The following SLC12A8 variants were observed in gnomAD, a reference collection of about 807,000 sequenced individuals.
SLC12A8 encodes cation-chloride cotransporter 9.
In SLC12A8, 69 loss-of-function variants were observed where a neutral mutation model predicts 75.6. The observed-to-expected ratio is 0.91, with a 90% confidence interval of 0.75 to 1.11. The LOEUF (loss-of-function observed/expected upper bound fraction) is 1.11. Ranked by LOEUF, SLC12A8 falls within the 50% of genes most tolerant of loss-of-function variation. The pLI, the probability that SLC12A8 is intolerant of heterozygous loss-of-function variation, is 0.00. For missense variants in SLC12A8, 877 were observed against 896.7 expected, an observed-to-expected ratio of 0.98 and a Z score of 0.28; for synonymous variants, 365 against 372.8, an observed-to-expected ratio of 0.98 and a Z score of 0.24.
intron 5 of SLC12A8, 100 bp downstream of exon 5, chr3:125,177,643 T>TGGTAAAGCCTAG: frequency 3.4e-6 from 3 of 885,058 alleles, no homozygotes; most frequent in Non-Finnish European, 3.6e-6. Context: ...GTAAAGCCTA[T>TGGTAAAGCCTAG]GGGGGTTAGG....
intron 5 of SLC12A8, among the ~76,000 whole-genome samples, chr3:125,154,187 C>A (rs1318264735): frequency 6.6e-6 from 1 of 152,228 alleles, no homozygotes. Context: ...CTTTAACTAC[C>A]GTCCCCTTTC....
chr3:125,147,643 T>A (rs1933818408), intron 5 of SLC12A8, among the ~76,000 whole-genome samples: 1 of 152,042 alleles, frequency 6.6e-6, no homozygotes, highest in East Asian at 1.9e-4. Flanking sequence ...CTGCCCTACA[T>A]CCTGCCTGGA....
chr3:125,156,599 G>A (rs753366118), intron 5 of SLC12A8, among the ~76,000 whole-genome samples: 6 of 152,208 alleles, frequency 3.9e-5, no homozygotes, highest in Non-Finnish European at 8.8e-5. Flanking sequence ...AAGATGGGAT[G>A]AGAGGTGGGA....
intron 5 of SLC12A8, among the ~76,000 whole-genome samples, chr3:125,137,920 C>G (rs973769593): frequency 6.7e-6 from 1 of 150,238 alleles, no homozygotes; most frequent in South Asian, 2.1e-4. Context: ...GACACACGCT[C>G]ACGCTCACAC....
rs761407113 is a variant in SLC12A8, at chr3:125,190,484, T to C, written c.89A>G (p.Gln30Arg). Residue 30 changes from glutamine (Q) to arginine (R), a missense_variant, in exon 3 of 14, where the codon CAG (glutamine) becomes CGG (arginine). Coordinates refer to ENST00000469902, the MANE Select transcript of SLC12A8 (RefSeq NM_024628.6). ...LAQPQPWWKT[Q>R]LFMWEPVLFG... ...CAGCACAGGCTCCCACATGAACAGC[T>C]GGGTCTTCCACCAGGGCTGGGGCTG... The C allele has an allele frequency of 6.2e-7, 1 of 1,614,178 alleles. No individual in the cohort carries two copies. Among genetic ancestry groups the C allele is most frequent in the Non-Finnish European group, 8.5e-7 (1 of 1,180,016 alleles).
intron 2 of SLC12A8, among the ~76,000 whole-genome samples, chr3:125,203,895 T>C (rs1935177789): frequency 6.6e-6 from 1 of 152,080 alleles, no homozygotes; most frequent in Admixed American, 6.6e-5. Context: ...CAGCATAAAA[T>C]GACTAATCCC....
chr3:125,188,483 C>T (rs1934840104), intron 3 of SLC12A8, among the ~76,000 whole-genome samples: 1 of 152,212 alleles, frequency 6.6e-6, no homozygotes, highest in Non-Finnish European at 1.5e-5. Context: ...AATAGGTGTT[C>T]ATTAAATGCT....
chr3:125,098,064 C>T (rs931325215), intron 10 of SLC12A8, among the ~76,000 whole-genome samples: 1 of 151,818 alleles, frequency 6.6e-6, no homozygotes, highest in Non-Finnish European at 1.5e-5. Flanking sequence ...AAGGAGGAAA[C>T]CCCAATTATG....
At chr3:125,148,983 C>A (rs979388740) in intron 5 of SLC12A8, among the ~76,000 whole-genome samples, 1 of 152,164 alleles carries the variant, frequency 6.6e-6, no homozygotes, top group Non-Finnish European at 1.5e-5. Context: ...GGGGCACAGG[C>A]AGGATGTGTC....
chr3:125,191,434 A>G (rs1157683315), intron 2 of SLC12A8, among the ~76,000 whole-genome samples: 1 of 121,706 alleles, frequency 8.2e-6, no homozygotes, highest in African/African-American at 3.2e-5. Flanking sequence ...GCATGAACAG[A>G]GTCTTCCAGT....
chr3:125,113,859 A>G (rs1215051669), intron 8 of SLC12A8, among the ~76,000 whole-genome samples: 1 of 151,964 alleles, frequency 6.6e-6, no homozygotes. Context: ...CTCCCACTTG[A>G]GCTTCGGTCA....
At chr3:125,143,548 A>G (rs541301640) in intron 5 of SLC12A8, among the ~76,000 whole-genome samples, 2 of 152,374 alleles carry the variant, frequency 1.3e-5, no homozygotes, top group South Asian at 4.1e-4. Flanking sequence ...GACCCCACCC[A>G]GAGAGAAAAT....
chr3:125,097,356 T>C (rs551058738), intron 10 of SLC12A8, among the ~76,000 whole-genome samples: 1 of 151,896 alleles, frequency 6.6e-6, no homozygotes, highest in South Asian at 2.1e-4. Flanking sequence ...ACCACTGCAT[T>C]GTAGCATGGG....
intron 10 of SLC12A8, among the ~76,000 whole-genome samples, chr3:125,094,438 C>T (rs373090883): frequency 5.6e-4 from 86 of 152,260 alleles, no homozygotes; most frequent in African/African-American, 2.0e-3. Flanking sequence ...GTTCTCTCAT[C>T]ACCCAATTAG....
chr3:125,155,616 A>G (rs1290564567), intron 5 of SLC12A8, among the ~76,000 whole-genome samples: 1 of 29,092 alleles, frequency 3.4e-5, no homozygotes, highest in African/African-American at 6.8e-5. Context: ...CTAAAAATAC[A>G]AAAAAGTAGC....
intron 10 of SLC12A8, among the ~76,000 whole-genome samples, chr3:125,095,053 T>C (rs1208516853): frequency 1.3e-5 from 2 of 152,230 alleles, no homozygotes; most frequent in South Asian, 2.1e-4. Flanking sequence ...TATTCCAACA[T>C]TCAGTCTTCA....
chr3:125,199,320 A>G (rs1358919542), intron 2 of SLC12A8, among the ~76,000 whole-genome samples: 1 of 152,256 alleles, frequency 6.6e-6, no homozygotes, highest in African/African-American at 2.4e-5. Flanking sequence ...GACTGAGTCA[A>G]GAGTATGTGG....
chr3:125,191,731 A>T (rs2107796954), intron 2 of SLC12A8, among the ~76,000 whole-genome samples: 1 of 152,294 alleles, frequency 6.6e-6, no homozygotes, highest in African/African-American at 2.4e-5. Flanking sequence ...AAAAGGGAGG[A>T]TCCCAGCTCC....
At chr3:125,195,303 C>G (rs1346260346) in intron 2 of SLC12A8, among the ~76,000 whole-genome samples, 1 of 152,192 alleles carries the variant, frequency 6.6e-6, no homozygotes, top group African/African-American at 2.4e-5. Flanking sequence ...TAAGAGAGAG[C>G]CCATCCCTTC....
Sources: allele counts gnomAD v4.1 joint callset (sites outside exome capture counted in the v4.1 genomes callset), GRCh38; gene constraint gnomAD v4.1.1; transcripts MANE v1.5; gene names NCBI Gene and HGNC (gene_info 2026-07-23, HGNC 2026-07-21).